EEFSEC: variants seen among roughly 807,000 people sequenced by gnomAD.
The protein encoded by EEFSEC is eukaryotic elongation factor, selenocysteine-tRNA specific.
A neutral mutation model predicts 42.1 loss-of-function variants in EEFSEC; 43 were observed. The ratio of observed to expected loss-of-function variants is 1.02; its 90% CI spans 0.80 to 1.32. The LOEUF is 1.32. EEFSEC is among the 40% of genes most tolerant of loss of function. The pLI is 0.00. For synonymous variants in EEFSEC, 354 were observed against 339.1 expected (o/e 1.04, Z -0.48); for missense variants, 745 against 803.6 (o/e 0.93, Z 0.88).
intron 5 of EEFSEC, among the ~76,000 whole-genome samples, chr3:128,354,130 G>A (rs1169576896): frequency 2.0e-5 from 3 of 152,092 alleles, no homozygotes; most frequent in African/African-American, 2.4e-5. Context: ...GGCAGAAGAC[G>A]CCAGCACTCT....
intron 1 of EEFSEC, among the ~76,000 whole-genome samples, chr3:128,184,425 T>A (rs2065443995): frequency 6.6e-6 from 1 of 152,236 alleles, no homozygotes; most frequent in Non-Finnish European, 1.5e-5. Flanking sequence ...ATACAGTATT[T>A]GCCCTTCTGT....
intron 1 of EEFSEC, among the ~76,000 whole-genome samples, chr3:128,220,114 T>G (rs1047318605): frequency 6.6e-6 from 1 of 152,116 alleles, no homozygotes; most frequent in Non-Finnish European, 1.5e-5. Flanking sequence ...CTCCTGGAGA[T>G]GAGGGAACTG....
chr3:128,293,679 A>AAAAAC (rs569256893), intron 4 of EEFSEC, among the ~76,000 whole-genome samples: 8,829 of 133,452 alleles, frequency 0.066, 1,186 homozygotes, highest in East Asian at 0.42. Flanking sequence ...AAAAAAAAAA[A>AAAAAC]AAAAAAAACT....
chr3:128,382,470 C>T (rs374548070), intron 6 of EEFSEC, among the ~76,000 whole-genome samples: 5 of 152,280 alleles, frequency 3.3e-5, no homozygotes, highest in African/African-American at 9.6e-5. Context: ...TGCGTGCTCA[C>T]GCTTTTGTGT....
intron 6 of EEFSEC, among the ~76,000 whole-genome samples, chr3:128,363,714 G>A (rs986328340): frequency 6.6e-6 from 1 of 152,222 alleles, no homozygotes; most frequent in Admixed American, 6.5e-5. Flanking sequence ...CATGCAGAAG[G>A]GGATGGATTT....
At chr3:128,264,352 CG>C (rs1348608791) in intron 3 of EEFSEC, among the ~76,000 whole-genome samples, 1 of 152,188 alleles carries the variant, frequency 6.6e-6, no homozygotes, top group Non-Finnish European at 1.5e-5. Context: ...AGCAGTCCCA[CG>C]GGAGAAGACA....
chr3:128,162,002 T>C (rs1425249706), intron 1 of EEFSEC, among the ~76,000 whole-genome samples: 2 of 152,242 alleles, frequency 1.3e-5, no homozygotes, highest in Non-Finnish European at 2.9e-5. Flanking sequence ...ACACCACTTT[T>C]GGTTTTCTTT....
intron 4 of EEFSEC, among the ~76,000 whole-genome samples, chr3:128,269,910 T>TCATCAC (rs2066396598): frequency 6.6e-6 from 1 of 152,224 alleles, no homozygotes; most frequent in Non-Finnish European, 1.5e-5. Flanking sequence ...TGATTGGCTA[T>TCATCAC]CAGGGTTGTA....
the EEFSEC span, among the ~76,000 whole-genome samples, chr3:128,417,062 C>G: frequency 6.6e-6 from 1 of 152,088 alleles, no homozygotes; most frequent in Admixed American, 6.6e-5. This position sits in a 1 kb window ranked among gnomAD's most constrained non-coding sequence, Gnocchi z 4.3. Context: ...AAGCCTGTCC[C>G]GAATCAGTCA....
At chr3:128,409,855 C>CT (rs1016963930), downstream of EEFSEC, among the ~76,000 whole-genome samples, 64 of 152,342 alleles carry the variant, frequency 4.2e-4, 1 homozygote, top group African/African-American at 1.5e-3. Context: ...CCACGGCCTC[C>CT]TCACCCTACC....
chr3:128,325,888 G>C (rs2067058543), intron 4 of EEFSEC, among the ~76,000 whole-genome samples: 1 of 152,224 alleles, frequency 6.6e-6, no homozygotes, highest in South Asian at 2.1e-4. Context: ...TAGGCAGCTA[G>C]ATTGTCTCCA....
the EEFSEC span, among the ~76,000 whole-genome samples, chr3:128,424,024 G>A: frequency 3.2e-4 from 49 of 152,120 alleles, no homozygotes; most frequent in Admixed American, 3.0e-3. Flanking sequence ...ACACAGAAAC[G>A]ACACCCAGAA....
intron 4 of EEFSEC, among the ~76,000 whole-genome samples, chr3:128,325,503 G>A (rs2067054350): frequency 6.6e-6 from 1 of 152,234 alleles, no homozygotes; most frequent in East Asian, 1.9e-4. Flanking sequence ...CTGTTCTGCA[G>A]CAGGCTCTCC....
chr3:128,251,194 A>G (rs1052376758), intron 2 of EEFSEC, among the ~76,000 whole-genome samples: 5 of 152,072 alleles, frequency 3.3e-5, no homozygotes, highest in Non-Finnish European at 5.9e-5. Context: ...AACATTTTAC[A>G]TATCATTTGC....
At chr3:128,338,060 G>A (rs1392890338) in intron 4 of EEFSEC, among the ~76,000 whole-genome samples, 5 of 152,234 alleles carry the variant, frequency 3.3e-5, no homozygotes, top group African/African-American at 1.2e-4. Flanking sequence ...ACAAGGTGCA[G>A]CAGATGGCAT....
At chr3:128,295,606 T>C (rs940190878) in intron 4 of EEFSEC, among the ~76,000 whole-genome samples, 1 of 151,096 alleles carries the variant, frequency 6.6e-6, no homozygotes, top group Non-Finnish European at 1.5e-5. Context: ...TTTTTTTTTT[T>C]TTTTTTAAAT....
At chr3:128,392,136 C>G (rs2107625219) in intron 6 of EEFSEC, among the ~76,000 whole-genome samples, 1 of 152,340 alleles carries the variant, frequency 6.6e-6, no homozygotes, top group Middle Eastern at 3.4e-3. Context: ...GCTGGCAGCC[C>G]TCATGCCCAG....
chr3:128,214,417 C>T (rs1017700780), intron 1 of EEFSEC, among the ~76,000 whole-genome samples: 2 of 152,116 alleles, frequency 1.3e-5, no homozygotes, highest in Non-Finnish European at 2.9e-5. Context: ...TTTTGAAGTC[C>T]TTGCTGACTT....
In EEFSEC at chr3:128,199,074, C is replaced by T. The variant is rs148458417; in HGVS notation, c.316+45251C>T. ...CTCCATCTCCTGACCTCAGGTGATC[C>T]GCCTGCCTCGGTCTCCCAAAGTGCT... On this transcript the variant is annotated intron_variant, in intron 1 of 6. Transcript: ENST00000254730. Among the ~76,000 whole-genome samples the T allele has an allele frequency of 5.6e-3, 852 of 152,316 alleles. 9 individuals are homozygous for T. Among genetic ancestry groups the T allele is most frequent in the African/African-American group, 0.019 (793 of 41,568 alleles).
Sources: allele counts gnomAD v4.1 joint callset (sites outside exome capture counted in the v4.1 genomes callset), GRCh38; gene constraint gnomAD v4.1.1; non-coding constraint Gnocchi (gnomAD v3.1); transcripts MANE v1.5; gene names NCBI Gene and HGNC (gene_info 2026-07-23, HGNC 2026-07-21).